Variants in LRRFIP2 observed in about 807,000 individuals in gnomAD.
LRRFIP2 encodes LRR binding FLII interacting protein 2.
A neutral mutation model predicts 125.9 loss-of-function variants in LRRFIP2; 109 were observed. The observed-to-expected ratio is 0.87, with a 90% CI of 0.74 to 1.01. The LOEUF (loss-of-function observed/expected upper bound fraction) is 1.01, where lower values mean the gene tolerates loss of function less well. Among genes scored for constraint, LRRFIP2 ranks in the 50% least tolerant of loss-of-function variants. LRRFIP2 has a pLI of 0.00. For missense variants in LRRFIP2, 850 were observed against 862.3 expected, an observed-to-expected ratio of 0.99 and a Z score of 0.18; for synonymous variants, 291 against 293.1, an observed-to-expected ratio of 0.99 and a Z score of 0.07.
chr3:37,108,062 A>C lies in LRRFIP2; in HGVS notation c.714+11T>G, dbSNP rs2094409754. 1.9e-6 allele frequency: 3 copies of C among 1,612,480 alleles called. No individual in the cohort carries two copies. Among genetic ancestry groups the C allele is most frequent in the Admixed American group, 3.3e-5 (2 of 59,982 alleles). The stretch of plus-strand genomic sequence containing the variant: ...AATTTCTACAAAGCATGCAGAGACT[A>C]GACAGCTCACCCCTGGACTGCTTCG... On this transcript the variant is annotated intron_variant, in intron 13 of 27. Transcript: ENST00000336686.
At chr3:37,145,961 T>C (rs73827219) in intron 2 of LRRFIP2, among the ~76,000 whole-genome samples, 2,415 of 152,344 alleles carry the variant, frequency 0.016, 56 homozygotes, top group African/African-American at 0.044. Flanking sequence ...AAGGATTAAA[T>C]GAATTAATGC....
chr3:37,170,227 A>T (rs1326909910), intron 1 of LRRFIP2: 1 of 152,230 alleles, frequency 6.6e-6, no homozygotes, highest in Non-Finnish European at 1.5e-5. Flanking sequence ...GCATCTGTAA[A>T]TTAAGTTTGT....
At chr3:37,110,577 A>G (rs193196829) in intron 9 of LRRFIP2, among the ~76,000 whole-genome samples, 4 of 152,312 alleles carry the variant, frequency 2.6e-5, no homozygotes, top group Admixed American at 2.6e-4. Context: ...TTAAAAGGGT[A>G]CCCACTCTGA....
At chr3:37,070,593 G>A (rs374886406) in intron 21 of LRRFIP2, among the ~76,000 whole-genome samples, 59 of 151,968 alleles carry the variant, frequency 3.9e-4, no homozygotes, top group South Asian at 2.3e-3. Context: ...AAAATTAGCC[G>A]GACGTGGTGG....
intron 21 of LRRFIP2, chr3:37,067,912 G>A (rs1374177574): frequency 6.6e-6 from 1 of 152,114 alleles, no homozygotes; most frequent in African/African-American, 2.4e-5. Flanking sequence ...GCTCTATGAA[G>A]GCCACATTAT....
intron 18 of LRRFIP2, among the ~76,000 whole-genome samples, chr3:37,088,908 A>C (rs770761924): frequency 5.9e-5 from 9 of 152,124 alleles, no homozygotes; most frequent in Non-Finnish European, 7.4e-5. Context: ...ATAAAGCAAA[A>C]GTCTTCCTTG....
At chr3:37,174,166 A>G (rs1163012782) in intron 1 of LRRFIP2, 2 of 152,276 alleles carry the variant, frequency 1.3e-5, no homozygotes, top group African/African-American at 4.8e-5. Flanking sequence ...CCAACAGGAT[A>G]GACTTGCCAT....
intron 21 of LRRFIP2, chr3:37,068,438 T>C (rs932618100): frequency 4.6e-5 from 7 of 152,250 alleles, no homozygotes; most frequent in Non-Finnish European, 1.0e-4. Context: ...CTTCGGACTT[T>C]TTAATTTCCT....
At chr3:37,090,385 T>C (rs2093362635) in intron 18 of LRRFIP2, among the ~76,000 whole-genome samples, 1 of 152,032 alleles carries the variant, frequency 6.6e-6, no homozygotes, top group South Asian at 2.1e-4. Context: ...CCTGCCACCA[T>C]GCCTGGTGAA....
chr3:37,121,696 G>A lies in LRRFIP2; in HGVS notation c.229-5C>T. On this transcript the variant is annotated splice_region_variant and splice_polypyrimidine_tract_variant and intron_variant, in intron 4 of 27. Coordinates refer to ENST00000336686, the MANE Select transcript of LRRFIP2 (RefSeq NM_006309.4). ...CCTGGCCCTTTCCGAATCTTCCTGG[G>A]AAAGGAGAAAGTACATGGAGAGTTA... 6.2e-7 allele frequency: 1 copy of A among 1,613,850 alleles called. No homozygotes were observed. The highest frequency in any genetic ancestry group is 8.5e-7 in the Non-Finnish European group (1 of 1,179,794).
At chr3:37,117,000 C>T (rs767946841) in intron 6 of LRRFIP2, among the ~76,000 whole-genome samples, 6 of 151,564 alleles carry the variant, frequency 4.0e-5, no homozygotes, top group Non-Finnish European at 5.9e-5. Flanking sequence ...TTCTAAAATG[C>T]GTAATAGTAT....
chr3:37,055,865 C>G (rs972317860), intron 25 of LRRFIP2, among the ~76,000 whole-genome samples: 1 of 152,190 alleles, frequency 6.6e-6, no homozygotes, highest in Non-Finnish European at 1.5e-5. Flanking sequence ...GCCTTCCCAT[C>G]TCCCAGGTTT....
At chr3:37,166,283 T>C (rs1355536655) in intron 1 of LRRFIP2, among the ~76,000 whole-genome samples, 1 of 152,028 alleles carries the variant, frequency 6.6e-6, no homozygotes, top group Non-Finnish European at 1.5e-5. Flanking sequence ...TGAGCCGAGA[T>C]TGGGCCACTG....
intron 6 of LRRFIP2, among the ~76,000 whole-genome samples, chr3:37,120,057 T>G (rs1185546345): frequency 6.6e-6 from 1 of 152,096 alleles, no homozygotes; most frequent in Non-Finnish European, 1.5e-5. Flanking sequence ...GTAAAATCAT[T>G]TATAAGCTGC....
chr3:37,141,009 C>T (rs1340309303), intron 2 of LRRFIP2, among the ~76,000 whole-genome samples: 1 of 151,988 alleles, frequency 6.6e-6, no homozygotes, highest in Non-Finnish European at 1.5e-5. Context: ...CAAAGCAAAC[C>T]CCCATCTCTA....
intron 2 of LRRFIP2, among the ~76,000 whole-genome samples, chr3:37,140,814 T>C (rs1368378130): frequency 6.6e-6 from 1 of 152,138 alleles, no homozygotes; most frequent in Non-Finnish European, 1.5e-5. Flanking sequence ...TAAGGGTCCT[T>C]CCTCTTTTCT....
chr3:37,106,480 C>T (rs1576676226), intron 13 of LRRFIP2, among the ~76,000 whole-genome samples: 1 of 152,178 alleles, frequency 6.6e-6, no homozygotes, highest in South Asian at 2.1e-4. Flanking sequence ...GAAATACGAT[C>T]TAGCCAGCCT....
intron 21 of LRRFIP2, 48 bp from the exon 22 acceptor site, chr3:37,066,373 C>G: frequency 7.0e-7 from 1 of 1,429,742 alleles, no homozygotes; most frequent in Non-Finnish European, 9.9e-7. Flanking sequence ...AGAAAAAGAG[C>G]AGGTGAAAGG....
intron 18 of LRRFIP2, among the ~76,000 whole-genome samples, chr3:37,086,014 T>C (rs1260881981): frequency 6.6e-6 from 1 of 152,142 alleles, no homozygotes; most frequent in Non-Finnish European, 1.5e-5. Flanking sequence ...TAAACAACTC[T>C]TACAACTCAA....
Sources: allele counts gnomAD v4.1 joint callset (sites outside exome capture counted in the v4.1 genomes callset), GRCh38; gene constraint gnomAD v4.1.1; transcripts MANE v1.5; gene names NCBI Gene and HGNC (gene_info 2026-07-23, HGNC 2026-07-21).